The following LAPTM4B variants were observed in gnomAD, a reference collection of about 807,000 sequenced individuals.
The protein encoded by LAPTM4B is lysosomal protein transmembrane 4 beta.
A neutral mutation model predicts 28.5 loss-of-function variants in LAPTM4B; 26 were observed. The ratio of observed to expected loss-of-function variants is 0.91; its 90% CI spans 0.67 to 1.27. The LOEUF (loss-of-function observed/expected upper bound fraction) is 1.27, where lower values mean the gene tolerates loss of function less well. LAPTM4B is among the 50% of genes most tolerant of loss of function. The pLI, the probability that LAPTM4B is intolerant of heterozygous loss-of-function variation, is 0.00. For missense variants in LAPTM4B, 288 were observed against 285.8 expected (o/e 1.01, Z -0.06); for synonymous variants, 109 against 106.4 (o/e 1.02, Z -0.15).
chr8:97,802,083 T>G (rs1282234143), intron 1 of LAPTM4B, among the ~76,000 whole-genome samples: 2 of 152,172 alleles, frequency 1.3e-5, no homozygotes, highest in Non-Finnish European at 2.9e-5. Flanking sequence ...TAATAATTAC[T>G]GTGGAGATGT....
chr8:97,812,430 C>T (rs1816847104), intron 2 of LAPTM4B, among the ~76,000 whole-genome samples: 1 of 152,110 alleles, frequency 6.6e-6, no homozygotes, highest in African/African-American at 2.4e-5. Flanking sequence ...TGTTCTTGAA[C>T]TCCTGACCTC....
At chr8:97,815,159 C>T (rs1324641065) in intron 2 of LAPTM4B, 169 bp from the exon 3 acceptor site, 7 of 602,858 alleles carry the variant, frequency 1.2e-5, no homozygotes, top group South Asian at 4.2e-5. Flanking sequence ...TTAAAAAAAT[C>T]TGTAAACCAA....
chr8:97,843,744 A>C (rs1817386411), intron 6 of LAPTM4B, among the ~76,000 whole-genome samples: 1 of 152,016 alleles, frequency 6.6e-6, no homozygotes, highest in Non-Finnish European at 1.5e-5. Context: ...GCAGCATTGC[A>C]CTCCAGCCTG....
chr8:97,828,673 A>G (rs1228400576), intron 6 of LAPTM4B, among the ~76,000 whole-genome samples: 1 of 152,216 alleles, frequency 6.6e-6, no homozygotes, highest in Non-Finnish European at 1.5e-5. Context: ...AAGCAGATTG[A>G]GGCCTCAGCG....
At chr8:97,806,355 G>T (rs1235262136) in intron 2 of LAPTM4B, among the ~76,000 whole-genome samples, 1 of 152,156 alleles carries the variant, frequency 6.6e-6, no homozygotes, top group Non-Finnish European at 1.5e-5. Context: ...GCTGCACTGG[G>T]GATAGAGAAC....
rs565935813 is a variant in LAPTM4B at position 97,837,962 on chromosome 8, A to G, written c.603+12809A>G. Among the ~76,000 whole-genome samples the G allele has an allele frequency of 5.9e-5, 9 of 152,002 alleles. No homozygotes were observed. In the South Asian group the frequency reaches 1.9e-3, roughly 32 times the overall value. On this transcript the variant is annotated intron_variant, in intron 6 of 6. Transcript: ENST00000521545. ...TCTCCAAGCATTTTCTTTTCTTTTG[A>G]TTTTAAAAGCCCAAAACAAAAGTGA...
intron 2 of LAPTM4B, among the ~76,000 whole-genome samples, chr8:97,808,954 G>A (rs188152425): frequency 6.6e-6 from 1 of 150,986 alleles, no homozygotes; most frequent in East Asian, 1.9e-4. Flanking sequence ...GAGCAAGACT[G>A]CATCTCAGAA....
chr8:97,836,323 G>C (rs894094984), intron 6 of LAPTM4B, among the ~76,000 whole-genome samples: 1 of 152,130 alleles, frequency 6.6e-6, no homozygotes, highest in Non-Finnish European at 1.5e-5. Context: ...TGGGACTACA[G>C]GCACATGCCA....
chr8:97,801,671 G>A (rs1816681628), intron 1 of LAPTM4B, among the ~76,000 whole-genome samples: 1 of 152,024 alleles, frequency 6.6e-6, no homozygotes, highest in Non-Finnish European at 1.5e-5. Flanking sequence ...GTGAAACGCT[G>A]TCTCTAATAA....
intron 1 of LAPTM4B, among the ~76,000 whole-genome samples, chr8:97,789,612 C>T (rs1198263709): frequency 6.6e-6 from 1 of 150,778 alleles, no homozygotes; most frequent in Non-Finnish European, 1.5e-5. Flanking sequence ...ATCGCAACCC[C>T]TGCCTCCCGG....
intron 6 of LAPTM4B, among the ~76,000 whole-genome samples, chr8:97,841,376 G>C (rs1296880293): frequency 6.6e-6 from 1 of 152,184 alleles, no homozygotes; most frequent in Non-Finnish European, 1.5e-5. Context: ...CACCCGGGCT[G>C]GAGTGCAATG....
At chr8:97,832,891 CA>C (rs1817204829) in intron 6 of LAPTM4B, among the ~76,000 whole-genome samples, 1 of 148,936 alleles carries the variant, frequency 6.7e-6, no homozygotes, top group Non-Finnish European at 1.5e-5. Context: ...TTTTTAGTAG[CA>C]AAGGGGTTTC....
intron 4 of LAPTM4B, 105 bp downstream of exon 4, chr8:97,816,285 A>T: frequency 8.7e-7 from 1 of 1,146,902 alleles, no homozygotes; most frequent in Non-Finnish European, 1.2e-6. Context: ...CAGGATTTTT[A>T]GCTTGCAGCT....
chr8:97,805,561 C>A, intron 2 of LAPTM4B, 97 bp downstream of exon 2: 4 of 745,586 alleles, frequency 5.4e-6, no homozygotes, highest in Admixed American at 2.0e-5. Context: ...TTCATTTGAG[C>A]TGATATATAA....
At position 97,776,026 on chromosome 8, in the gene LAPTM4B, C is replaced by T; in HGVS notation, c.17C>T (p.Pro6Leu). The T allele has an allele frequency of 6.3e-7, 1 of 1,580,502 alleles. No homozygotes were observed. The highest frequency in any genetic ancestry group is 8.6e-7 in the Non-Finnish European group (1 of 1,167,572). Residue 6 changes from proline to leucine, a missense_variant, in exon 1 of 7, where the codon CCC becomes CTC. Physicochemically the swap from Pro to Leu is moderately conservative, Grantham distance 98. Transcript: ENST00000521545. The stretch of plus-strand genomic sequence containing the variant: ...CCCGGAGCGATGAAGATGGTCGCGC[C>T]CTGGACGCGGTTCTACTCCAACAGC... MKMVAPWTRFYSNSCC... is the reference protein window; with the variant it reads MKMVALWTRFYSNSCC...
At chr8:97,776,500 C>G (rs1160938091) in intron 1 of LAPTM4B, among the ~76,000 whole-genome samples, 1 of 152,258 alleles carries the variant, frequency 6.6e-6, no homozygotes, top group Non-Finnish European at 1.5e-5. Context: ...TGTGTTTCGA[C>G]GGCTGCGGAC....
At chr8:97,848,280 A>T (rs975543082) in intron 6 of LAPTM4B, among the ~76,000 whole-genome samples, 4 of 152,226 alleles carry the variant, frequency 2.6e-5, no homozygotes, top group African/African-American at 9.7e-5. Context: ...AAAACCAAAG[A>T]TTTAAAATGT....
intron 2 of LAPTM4B, among the ~76,000 whole-genome samples, chr8:97,808,727 G>C (rs1374617345): frequency 6.6e-6 from 1 of 152,096 alleles, no homozygotes; most frequent in Non-Finnish European, 1.5e-5. Context: ...TGGGGGCGGT[G>C]GTGGGTGGAT....
At chr8:97,807,695 G>A (rs1816774846) in intron 2 of LAPTM4B, among the ~76,000 whole-genome samples, 1 of 151,748 alleles carries the variant, frequency 6.6e-6, no homozygotes, top group Admixed American at 6.6e-5. Context: ...AAAAGAAAAG[G>A]CAACGGGGCC....
Sources: gnomAD v4.1 joint callset for allele counts (sites outside exome capture counted in the v4.1 genomes callset) on GRCh38, gnomAD v4.1.1 for gene constraint, MANE v1.5 for transcripts, NCBI Gene and HGNC (gene_info 2026-07-23, HGNC 2026-07-21) for gene names.